The following AGAP3 variants were observed in gnomAD, a reference collection of about 807,000 sequenced individuals.
The protein encoded by AGAP3 is ArfGAP with GTPase domain, ankyrin repeat and PH domain 3.
Under a neutral mutation model 96.9 loss-of-function variants are expected in AGAP3, and 24 were observed. That is an observed-to-expected ratio of 0.25 (90% CI 0.18 to 0.35). The LOEUF (loss-of-function observed/expected upper bound fraction) is 0.35. Among genes scored for constraint, AGAP3 ranks in the 10% least tolerant of loss-of-function variants. The pLI is 1.00. For missense variants in AGAP3, 876 were observed against 1,254.2 expected (o/e 0.70, Z 4.55); for synonymous variants, 563 against 536.1 (o/e 1.05, Z -0.69).
chr7:151,125,657 C>T lies in AGAP3; in HGVS notation c.1221+1771C>T, dbSNP rs138494945. Reference sequence around the variant, plus strand: ...CCTGGTGGCCATTCCTGGCGCTTCCCCGCTGCCGCCGGTCCAGCCCCGCCA... The same window carrying T: ...CCTGGTGGCCATTCCTGGCGCTTCCTCGCTGCCGCCGGTCCAGCCCCGCCA... On this transcript the variant is annotated intron_variant, in intron 9 of 17. Coordinates refer to ENST00000397238, the MANE Select transcript of AGAP3 (RefSeq NM_031946.7). 4.5e-3 allele frequency among the ~76,000 whole-genome samples: 692 copies of T among 152,226 alleles called. 7 individuals carry two copies. Among genetic ancestry groups the T allele is most frequent in the African/African-American group, 0.016 (660 of 41,540 alleles).
In AGAP3 at chr7:151,108,371, C is replaced by G. The variant is rs1799143844; in HGVS notation, c.332-8422C>G. On this transcript the variant is annotated intron_variant, in intron 1 of 17. Coordinates refer to ENST00000397238, the MANE Select transcript of AGAP3 (RefSeq NM_031946.7). The surrounding 1 kb of genome is among the most constrained non-coding windows in gnomAD (Gnocchi z 4.2). ...GAATGACAGCCACTCCCACCCCCACCCTGGGGTAATCTCAGTTTCCCTGCT... is the reference window on the plus strand; with the variant it reads ...GAATGACAGCCACTCCCACCCCCACGCTGGGGTAATCTCAGTTTCCCTGCT... 6.6e-6 allele frequency among the ~76,000 whole-genome samples: 1 copy of G among 152,190 alleles called. No homozygotes were observed. Among genetic ancestry groups the G allele is most frequent in the South Asian group, 2.1e-4 (1 of 4,828 alleles).
At chr7:151,115,072 G>T in intron 1 of AGAP3, 1 of 1,021,404 alleles carries the variant, frequency 9.8e-7, no homozygotes, top group Non-Finnish European at 1.2e-6. Flanking sequence ...CCTGCGCCCA[G>T]CCCCGCGTCC....
intron 9 of AGAP3, 188 bp from the exon 10 acceptor site, chr7:151,128,392 G>A (rs918427392): frequency 7.8e-5 from 44 of 567,488 alleles, no homozygotes; most frequent in Non-Finnish European, 1.2e-4. Flanking sequence ...GGAGAGCCGA[G>A]TTCTGGGGAA....
At chr7:151,104,948 GC>G (rs1798983322) in intron 1 of AGAP3, among the ~76,000 whole-genome samples, 1 of 152,210 alleles carries the variant, frequency 6.6e-6, no homozygotes, top group South Asian at 2.1e-4. Flanking sequence ...CCTGGGGAGG[GC>G]CCCAGGTGCC....
At position 151,140,002 on chromosome 7, in the gene AGAP3, A is replaced by C; in HGVS notation, c.1690A>C (p.Ser564Arg). The change falls in exon 13 of 18, where the codon AGT (serine) becomes CGT (arginine). Residue 564 changes from serine to arginine, a missense_variant. Transcript: ENST00000397238. This position sits in a 1 kb window ranked among gnomAD's most constrained non-coding sequence, Gnocchi z 5.4. ...HPASGPAEVL[S>R]SSPKLDPPPS... ...AGCCAGTGGCCCAGCTGAGGTACTC[A>C]GTTCCAGCCCCAAGCTGGATCCTCC... The C allele has an allele frequency of 6.3e-7, 1 of 1,586,586 alleles. No homozygotes were observed. Among genetic ancestry groups the C allele is most frequent in the South Asian group, 1.2e-5 (1 of 86,484 alleles).
chr7:151,128,303 G>C, intron 9 of AGAP3: 1 of 439,110 alleles, frequency 2.3e-6, no homozygotes, highest in Admixed American at 3.4e-5. Flanking sequence ...TTCTCCTGTC[G>C]AGGTGGCTCC....
intron 10 of AGAP3, among the ~76,000 whole-genome samples, chr7:151,131,750 G>A (rs1044362885): frequency 2.9e-4 from 44 of 152,210 alleles, no homozygotes; most frequent in Non-Finnish European, 5.9e-4. Flanking sequence ...TGGCACCTTA[G>A]CTCTGAACAG....
chr7:151,110,794 T>C (rs909888678), intron 1 of AGAP3, among the ~76,000 whole-genome samples: 1 of 151,960 alleles, frequency 6.6e-6, no homozygotes, highest in African/African-American at 2.4e-5. Context: ...TGACACGGAT[T>C]GGGCTGGGGG....
intron 1 of AGAP3, among the ~76,000 whole-genome samples, chr7:151,110,507 G>A (rs1374655786): frequency 2.0e-5 from 3 of 152,090 alleles, no homozygotes; most frequent in South Asian, 2.1e-4. Context: ...GAGCACACGG[G>A]GCACTGGAAC....
At chr7:151,120,316 G>A (rs1799817558) in intron 8 of AGAP3, among the ~76,000 whole-genome samples, 171 bp downstream of exon 8, 1 of 152,196 alleles carries the variant, frequency 6.6e-6, no homozygotes, top group South Asian at 2.1e-4. Flanking sequence ...TGCCCTCAGA[G>A]TCTTCCAGAC....
chr7:151,099,811 G>T (rs1178900655), intron 1 of AGAP3, among the ~76,000 whole-genome samples: 1 of 152,192 alleles, frequency 6.6e-6, no homozygotes, highest in African/African-American at 2.4e-5. Flanking sequence ...ATTTTTGTAA[G>T]GTTTTTTTTG....
chr7:151,092,516 C>T (rs6464128), intron 1 of AGAP3, among the ~76,000 whole-genome samples: 40,795 of 152,066 alleles, frequency 0.27, 5,891 homozygotes, highest in Admixed American at 0.4. Flanking sequence ...GGGGTGAGCC[C>T]AGCCACGTGC....
In AGAP3 at chr7:151,141,628, A is replaced by G; in HGVS notation, c.1805-270A>G. The G allele has an allele frequency of 2.1e-6, 1 of 479,346 alleles. No homozygotes were observed. Among genetic ancestry groups the G allele is most frequent in the African/African-American group, 1.9e-5 (1 of 51,526 alleles). 29.7% of individuals were successfully genotyped at this position (479,346 alleles called of 1,614,324 possible). ...TTTCACACCCATTCCCGGCAGTGCC[A>G]GGGGTGCCAAGATCTTGCATCCCCC... On this transcript the variant is annotated intron_variant, in intron 13 of 17. Coordinates refer to ENST00000397238, the MANE Select transcript of AGAP3 (RefSeq NM_031946.7). The surrounding 1 kb of genome is among the most constrained non-coding windows in gnomAD (Gnocchi z 4.2).
rs1265182601 is a variant in AGAP3, at chr7:151,086,708, C to CCGGGCCCGCCT, written c.-26_-16dup. The CCGGGCCCGCCT allele has an allele frequency of 1.2e-5, 7 of 581,874 alleles. No individual in the cohort carries two copies. The highest frequency in any genetic ancestry group is 1.5e-5 in the Non-Finnish European group (7 of 463,550). The allele number at this position is 581,874 out of a possible 1,614,324, so 36.0% of individuals were successfully genotyped here. A position where few individuals can be genotyped will look rare whatever the true frequency, so the allele number is the denominator to read the frequency against. ...CCGCCGCCGCCTCCGCCGCGCCGCCCCGGGCCCGCCTCGGGCCCCACGGCT... is the reference window on the plus strand; with the variant it reads ...CCGCCGCCGCCTCCGCCGCGCCGCCCCGGGCCCGCCTCGGGCCCGCCTCGGGCCCCACGGCT... On this transcript the variant is annotated 5_prime_UTR_variant, in exon 1 of 18. Transcript: ENST00000397238.
Position 151,141,584 on chromosome 7 carries a change from G to C in AGAP3, c.1805-314G>C. The C allele has an allele frequency of 5.2e-6, 2 of 381,460 alleles. No homozygotes were observed. Among genetic ancestry groups the C allele is most frequent in the Non-Finnish European group, 9.8e-6 (2 of 204,136 alleles). The allele number at this position is 381,460 out of a possible 1,614,324, so 23.6% of individuals were successfully genotyped here. A position where few individuals can be genotyped will look rare whatever the true frequency, so the allele number is the denominator to read the frequency against. On this transcript the variant is annotated intron_variant, in intron 13 of 17. Coordinates refer to ENST00000397238, the MANE Select transcript of AGAP3 (RefSeq NM_031946.7). This position sits in a 1 kb window ranked among gnomAD's most constrained non-coding sequence, Gnocchi z 4.2. ...TCTCCAGATACTCAGCTCTTTCTGT[G>C]GGATGCACCCCTCTCTGGTTTCACA...
rs1798151231 is a variant in AGAP3, at chr7:151,086,570, G to A, written c.-172G>A. On this transcript the variant is annotated 5_prime_UTR_variant, in exon 1 of 18. Coordinates refer to ENST00000397238, the MANE Select transcript of AGAP3 (RefSeq NM_031946.7). ...ACAGCGTGCGCGGCGGCGCCTCCTGGCCTCGGCCTCCGGCCCCCGGCCCCC... is the reference window on the plus strand; with the variant it reads ...ACAGCGTGCGCGGCGGCGCCTCCTGACCTCGGCCTCCGGCCCCCGGCCCCC... Among the ~76,000 whole-genome samples, 2 of 147,200 alleles carry A rather than the reference G, an allele frequency of 1.4e-5. No homozygotes were observed. Among genetic ancestry groups the A allele is most frequent in the Non-Finnish European group, 3.0e-5 (2 of 66,028 alleles).
intron 8 of AGAP3, chr7:151,123,593 C>T (rs1800023463): frequency 7.0e-7 from 1 of 1,423,502 alleles, no homozygotes; most frequent in East Asian, 2.6e-5. Context: ...GTGACCTGTG[C>T]TGCTCTGTAT....
At chr7:151,088,723 G>T (rs1383564214) in intron 1 of AGAP3, among the ~76,000 whole-genome samples, 2 of 152,210 alleles carry the variant, frequency 1.3e-5, no homozygotes, top group Non-Finnish European at 2.9e-5. Context: ...AGCTTGATGA[G>T]CAGCGACCCC....
intron 8 of AGAP3, 112 bp downstream of exon 8, chr7:151,120,257 C>A: frequency 8.8e-7 from 1 of 1,133,930 alleles, no homozygotes; most frequent in Non-Finnish European, 1.3e-6. Context: ...GAAGACGGTA[C>A]CTGCAGTCTC....
Sources: gnomAD v4.1 joint callset for allele counts (sites outside exome capture counted in the v4.1 genomes callset) on GRCh38, gnomAD v4.1.1 for gene constraint, Gnocchi (gnomAD v3.1) non-coding constraint, MANE v1.5 for transcripts, NCBI Gene and HGNC (gene_info 2026-07-23, HGNC 2026-07-21) for gene names.